NOPCHAP1: variants seen among roughly 807,000 people sequenced by gnomAD.
NOPCHAP1 encodes the protein DNA damage-sensitive RNA 1.
A neutral mutation model predicts 14.0 loss-of-function variants in NOPCHAP1; 13 were observed. The observed-to-expected ratio is 0.93, with a 90% CI of 0.60 to 1.47. NOPCHAP1 has a LOEUF of 1.47. Among genes scored for constraint, NOPCHAP1 ranks in the 40% most tolerant of loss-of-function variants. NOPCHAP1 has a pLI of 0.00. For synonymous variants in NOPCHAP1, 78 were observed against 78.4 expected, an observed-to-expected ratio of 1.00 and a Z score of 0.03; for missense variants, 230 against 226.9, an observed-to-expected ratio of 1.01 and a Z score of -0.09.
intron 3 of NOPCHAP1, among the ~76,000 whole-genome samples, chr12:104,992,346 T>A (rs946402158): frequency 6.6e-6 from 1 of 152,258 alleles, no homozygotes; most frequent in East Asian, 1.9e-4. Context: ...CCCTCCAGAA[T>A]AGATCCCAAA....
At position 104,996,266 on chromosome 12, in the gene NOPCHAP1, C is replaced by G. The variant is rs1220597903; in HGVS notation, c.*1570C>G. On this transcript the variant is annotated 3_prime_UTR_variant, in exon 4 of 4. Coordinates refer to ENST00000552951, the MANE Select transcript of NOPCHAP1 (RefSeq NM_152318.3). ...AGCATCAGTCAGTTCAGTTCATCCA[C>G]TGGTACATCTGCATAGCTCCTGAAC... The G allele has an allele frequency of 6.6e-6, 1 of 152,126 alleles. No homozygotes were observed. The highest frequency in any genetic ancestry group is 1.5e-5 in the Non-Finnish European group (1 of 68,022). The allele number at this position is 152,126 out of a possible 1,614,324, so 9.4% of individuals were successfully genotyped here.
At position 105,002,951 on chromosome 12, in the gene NOPCHAP1, A is replaced by G. The variant is rs2136030329; in HGVS notation, c.*8255A>G. On this transcript the variant is annotated 3_prime_UTR_variant, in exon 4 of 4. Coordinates refer to ENST00000552951, the MANE Select transcript of NOPCHAP1 (RefSeq NM_152318.3). The stretch of plus-strand genomic sequence containing the variant: ...CTTTTCTCATTATCTTTAGAATGAA[A>G]GAGTAGTTGAGCAAAAAGGTTATTA... 6.6e-6 allele frequency: 1 copy of G among 152,324 alleles called. No individual in the cohort carries two copies. Among genetic ancestry groups the G allele is most frequent in the East Asian group, 1.9e-4 (1 of 5,190 alleles). The allele number at this position is 152,324 out of a possible 1,614,324, so 9.4% of individuals were successfully genotyped here.
intron 3 of NOPCHAP1, among the ~76,000 whole-genome samples, chr12:104,993,260 T>C (rs1045619166): frequency 7.2e-5 from 11 of 152,212 alleles, no homozygotes; most frequent in African/African-American, 2.4e-4. Flanking sequence ...TTAGGTTCTG[T>C]GGGCCTTACT....
At position 105,001,741 on chromosome 12, in the gene NOPCHAP1, A is replaced by G. The variant is rs574039403; in HGVS notation, c.*7045A>G. 4 of 152,300 alleles carry G rather than the reference A, an allele frequency of 2.6e-5. No homozygotes were observed. In the East Asian group the frequency reaches 7.7e-4, roughly 29 times the overall value. 9.4% of individuals were successfully genotyped at this position (152,300 alleles called of 1,614,324 possible). A position where few individuals can be genotyped will look rare whatever the true frequency, so the allele number is the denominator to read the frequency against. ...GATTTGAAACCCTACCACAGAAATAATGTTTCCACAGAGTAAACATTTTTA... is the reference window on the plus strand; with the variant it reads ...GATTTGAAACCCTACCACAGAAATAGTGTTTCCACAGAGTAAACATTTTTA... On this transcript the variant is annotated 3_prime_UTR_variant, in exon 4 of 4. Transcript: ENST00000552951.
chr12:104,989,847 G>A (rs374880709), intron 2 of NOPCHAP1, among the ~76,000 whole-genome samples: 7 of 152,082 alleles, frequency 4.6e-5, no homozygotes, highest in South Asian at 4.1e-4. Context: ...CGCTGATTTC[G>A]TTGAGTTCAC....
At chr12:104,990,952 C>G (rs539189641) in intron 2 of NOPCHAP1, among the ~76,000 whole-genome samples, 1 of 152,162 alleles carries the variant, frequency 6.6e-6, no homozygotes, top group Non-Finnish European at 1.5e-5. Context: ...GCCACTCTGT[C>G]TCTTAGTTCT....
intron 2 of NOPCHAP1, among the ~76,000 whole-genome samples, chr12:104,989,479 G>A (rs547887675): frequency 6.6e-6 from 1 of 152,282 alleles, no homozygotes; most frequent in East Asian, 1.9e-4. Context: ...CAGTGGCATT[G>A]TTTCTGACGC....
In NOPCHAP1 at chr12:105,017,089, A is replaced by T. The variant is rs1873962145; in HGVS notation, c.*22393A>T. On this transcript the variant is annotated 3_prime_UTR_variant, in exon 4 of 4. Coordinates refer to ENST00000552951, the MANE Select transcript of NOPCHAP1 (RefSeq NM_152318.3). Reference sequence around the variant, plus strand: ...TGAAGCAAAAATCTCATTCTGAATAAATCTCCCATCTGTTCCAATAACATT... The same window carrying T: ...TGAAGCAAAAATCTCATTCTGAATATATCTCCCATCTGTTCCAATAACATT... The T allele has an allele frequency of 6.6e-6, 1 of 152,196 alleles. No individual in the cohort carries two copies. Among genetic ancestry groups the T allele is most frequent in the Non-Finnish European group, 1.5e-5 (1 of 68,036 alleles). The allele number at this position is 152,196 out of a possible 1,614,324, so 9.4% of individuals were successfully genotyped here. A position where few individuals can be genotyped will look rare whatever the true frequency, so the allele number is the denominator to read the frequency against.
rs951254165 is a variant in NOPCHAP1 at position 105,005,965 on chromosome 12, G to A, written c.*11269G>A. ...CATCTTCCTCATCGTCTGGCACTGT[G>A]GCTCAGAAGCATTCATCTCCATCAA... On this transcript the variant is annotated 3_prime_UTR_variant, in exon 4 of 4. Coordinates refer to ENST00000552951, the MANE Select transcript of NOPCHAP1 (RefSeq NM_152318.3). The A allele has an allele frequency of 3.9e-5, 6 of 152,292 alleles. No individual in the cohort carries two copies. Among genetic ancestry groups the A allele is most frequent in the African/African-American group, 1.4e-4 (6 of 41,464 alleles). 9.4% of individuals were successfully genotyped at this position (152,292 alleles called of 1,614,324 possible).
Position 104,997,565 on chromosome 12 carries a change from G to A in NOPCHAP1, c.*2869G>A, listed in dbSNP as rs1334538393. 1 of 152,200 alleles carries A rather than the reference G, an allele frequency of 6.6e-6. No individual in the cohort carries two copies. Among genetic ancestry groups the A allele is most frequent in the Admixed American group, 6.5e-5 (1 of 15,282 alleles). The allele number at this position is 152,200 out of a possible 1,614,324, so 9.4% of individuals were successfully genotyped here. A position where few individuals can be genotyped will look rare whatever the true frequency, so the allele number is the denominator to read the frequency against. On this transcript the variant is annotated 3_prime_UTR_variant, in exon 4 of 4. Transcript: ENST00000552951. ...CTGGCTTGTAGAGTTTCTGCTGACA[G>A]TTCTGCTGTTAGCCTGATGGGTTTC...
intron 2 of NOPCHAP1, among the ~76,000 whole-genome samples, chr12:104,989,212 C>G (rs1373617708): frequency 1.3e-5 from 2 of 152,116 alleles, no homozygotes; most frequent in Non-Finnish European, 2.9e-5. Flanking sequence ...TCATGTGTCA[C>G]TATTTGTATG....
intron 3 of NOPCHAP1, among the ~76,000 whole-genome samples, chr12:104,993,389 G>C (rs1043725576): frequency 6.6e-6 from 1 of 152,102 alleles, no homozygotes; most frequent in Admixed American, 6.5e-5. Flanking sequence ...CAGGATTGGT[G>C]ATTTCAGGTG....
rs1873522478 is a variant in NOPCHAP1, at chr12:104,997,500, A to C, written c.*2804A>C. ...AAACTTAAAGTATAATAATAAAAATAAATAAATAAAGAATGCTGAATATAG... is the reference window on the plus strand; with the variant it reads ...AAACTTAAAGTATAATAATAAAAATCAATAAATAAAGAATGCTGAATATAG... On this transcript the variant is annotated 3_prime_UTR_variant, in exon 4 of 4. Transcript: ENST00000552951. The C allele has an allele frequency of 6.6e-6, 1 of 152,232 alleles. No homozygotes were observed. The highest frequency in any genetic ancestry group is 1.5e-5 in the Non-Finnish European group (1 of 68,052). The allele number at this position is 152,232 out of a possible 1,614,324, so 9.4% of individuals were successfully genotyped here.
Position 105,014,233 on chromosome 12 carries a change from T to G in NOPCHAP1, c.*19537T>G, listed in dbSNP as rs1482696368. On this transcript the variant is annotated 3_prime_UTR_variant, in exon 4 of 4. Coordinates refer to ENST00000552951, the MANE Select transcript of NOPCHAP1 (RefSeq NM_152318.3). ...AATGGTACTAGGTACCGTCTATAAG[T>G]GTTTGTGTGGGTAAGTGCTGATAAA... The G allele has an allele frequency of 6.6e-6, 1 of 152,220 alleles. No individual in the cohort carries two copies. Among genetic ancestry groups the G allele is most frequent in the Non-Finnish European group, 1.5e-5 (1 of 68,020 alleles). 9.4% of individuals were successfully genotyped at this position (152,220 alleles called of 1,614,324 possible).
chr12:104,991,907 A>G, intron 3 of NOPCHAP1, 59 bp downstream of exon 3: 1 of 1,522,068 alleles, frequency 6.6e-7, no homozygotes. Flanking sequence ...CCTAAGAAGA[A>G]GAGAACTTTT....
chr12:105,014,740 C>G lies in NOPCHAP1; in HGVS notation c.*20044C>G, dbSNP rs1028786360. On this transcript the variant is annotated 3_prime_UTR_variant, in exon 4 of 4. Coordinates refer to ENST00000552951, the MANE Select transcript of NOPCHAP1 (RefSeq NM_152318.3). ...CACACAGTTGCCCACAGCCTGAAAC[C>G]TATCAAATGTAGAAAATAGGGACAT... 2.6e-5 allele frequency: 4 copies of G among 152,140 alleles called. No individual in the cohort carries two copies. The East Asian group carries it at 7.7e-4, about 29-fold the overall frequency. 9.4% of individuals were successfully genotyped at this position (152,140 alleles called of 1,614,324 possible). A position where few individuals can be genotyped will look rare whatever the true frequency, so the allele number is the denominator to read the frequency against.
At position 105,015,997 on chromosome 12, in the gene NOPCHAP1, T is replaced by TA. The variant is rs1198441010; in HGVS notation, c.*21301_*21302insA. 2 of 143,472 alleles carry TA rather than the reference T, an allele frequency of 1.4e-5. No homozygotes were observed. The highest frequency in any genetic ancestry group is 5.3e-5 in the African/African-American group (2 of 38,036). The allele number at this position is 143,472 out of a possible 1,614,324, so 8.9% of individuals were successfully genotyped here. A position where few individuals can be genotyped will look rare whatever the true frequency, so the allele number is the denominator to read the frequency against. On this transcript the variant is annotated 3_prime_UTR_variant, in exon 4 of 4. Transcript: ENST00000552951. ...AATAGTCAAGAAAGGTTTTTTTTTT[T>TA]TTTTTTAAAAAGCATAACATCAAAG...
In NOPCHAP1 at chr12:104,991,858, C is replaced by T; in HGVS notation, c.339+10C>T. ...TAAAGTTATACAAATGGTAACTATG[C>T]TTTGTTTTCATATGGTGAAATTACT... On this transcript the variant is annotated intron_variant, in intron 3 of 3. Coordinates refer to ENST00000552951, the MANE Select transcript of NOPCHAP1 (RefSeq NM_152318.3). 6.3e-7 allele frequency: 1 copy of T among 1,594,236 alleles called. No homozygotes were observed. The highest frequency in any genetic ancestry group is 8.5e-7 in the Non-Finnish European group (1 of 1,173,210).
At chr12:104,988,309 G>A (rs1327378302) in intron 2 of NOPCHAP1, 56 bp downstream of exon 2, 5 of 1,375,572 alleles carry the variant, frequency 3.6e-6, no homozygotes, top group Non-Finnish European at 5.1e-6. Context: ...GTCTGATTAA[G>A]CTGTGGGACG....
Sources: allele counts gnomAD v4.1 joint callset (sites outside exome capture counted in the v4.1 genomes callset), GRCh38; gene constraint gnomAD v4.1.1; transcripts MANE v1.5; gene names NCBI Gene and HGNC (gene_info 2026-07-23, HGNC 2026-07-21).